The following INVS variants were observed in gnomAD, a reference collection of about 807,000 sequenced individuals.
INVS encodes inversion of embryo turning homolog.
A neutral mutation model predicts 108.8 loss-of-function variants in INVS; 86 were observed. The observed-to-expected ratio is 0.79, with a 90% CI of 0.66 to 0.95. The LOEUF is 0.95. Ranked by LOEUF, INVS falls within the 40% of genes least tolerant of loss-of-function variation. The pLI is 0.00. For synonymous variants in INVS, 455 were observed against 473.5 expected, an observed-to-expected ratio of 0.96 and a Z score of 0.51; for missense variants, 1,169 against 1,297.4, an observed-to-expected ratio of 0.90 and a Z score of 1.52.
At chr9:100,101,408 T>C (rs973288374) in intron 1 of INVS, 1 of 152,098 alleles carries the variant, frequency 6.6e-6, no homozygotes, top group Non-Finnish European at 1.5e-5. Context: ...CCTCCACCTC[T>C]ATTTTGTAGC....
At chr9:100,296,838 A>C (rs946190039) in intron 14 of INVS, 79 bp from the exon 15 acceptor site, 1 of 1,135,114 alleles carries the variant, frequency 8.8e-7, no homozygotes, top group Admixed American at 1.9e-5. Flanking sequence ...CTACTCCTAT[A>C]GCTTCTAGAA....
intron 3 of INVS, chr9:100,215,021 T>G (rs1335072445): frequency 6.6e-6 from 1 of 152,212 alleles, no homozygotes; most frequent in East Asian, 1.9e-4. Context: ...CCCCTACTTG[T>G]GCCTGTAGCT....
chr9:100,226,026 A>C, intron 3 of INVS, 36 bp from the exon 4 acceptor site: 2 of 1,524,334 alleles, frequency 1.3e-6, no homozygotes, highest in Non-Finnish European at 1.8e-6. Flanking sequence ...ACCCCATAGT[A>C]CATTTTTTTC....
At chr9:100,233,765 G>A (rs974163215) in intron 5 of INVS, among the ~76,000 whole-genome samples, 11 of 152,084 alleles carry the variant, frequency 7.2e-5, no homozygotes, top group Admixed American at 2.6e-4. Context: ...TACTGGTTTC[G>A]GTTTACCAGT....
intron 3 of INVS, among the ~76,000 whole-genome samples, chr9:100,189,761 GT>G (rs968379676): frequency 6.7e-6 from 1 of 149,976 alleles, no homozygotes; most frequent in Non-Finnish European, 1.5e-5. Context: ...TTATTTGTTT[GT>G]TTTTTTTTAA....
chr9:100,274,901 G>A (rs1833070732), intron 12 of INVS, among the ~76,000 whole-genome samples: 1 of 152,166 alleles, frequency 6.6e-6, no homozygotes, highest in Admixed American at 6.5e-5. Context: ...TACCCACAAG[G>A]GGGAAGCATA....
At chr9:100,196,215 C>G (rs1019979377) in intron 3 of INVS, among the ~76,000 whole-genome samples, 37 of 152,092 alleles carry the variant, frequency 2.4e-4, no homozygotes, top group Admixed American at 2.4e-3. Flanking sequence ...CTTCTTACCT[C>G]CATTTTAGTA....
intron 3 of INVS, among the ~76,000 whole-genome samples, chr9:100,177,595 G>A (rs957935144): frequency 2.0e-5 from 3 of 152,168 alleles, no homozygotes; most frequent in East Asian, 3.9e-4. Flanking sequence ...CTCTTGGCAG[G>A]GCATCTCTGA....
intron 3 of INVS, among the ~76,000 whole-genome samples, chr9:100,140,816 C>G (rs972353247): frequency 1.3e-5 from 2 of 151,900 alleles, no homozygotes; most frequent in African/African-American, 4.8e-5. Context: ...AAACGTTCGT[C>G]ATTTAGAATT....
At chr9:100,266,487 A>G (rs1832797108) in intron 11 of INVS, among the ~76,000 whole-genome samples, 1 of 152,114 alleles carries the variant, frequency 6.6e-6, no homozygotes, top group African/African-American at 2.4e-5. Context: ...TTGCTATGGC[A>G]TTTGTAAAAT....
In INVS at chr9:100,272,999, C is replaced by G; in HGVS notation, c.1707C>G (p.Tyr569Ter). Residue 569 changes from tyrosine (Y) to a stop codon, truncating the protein, a stop_gained, in exon 12 of 17, where the codon TAC becomes TAG. Coordinates refer to ENST00000262457, the MANE Select transcript of INVS (RefSeq NM_014425.5). LOFTEE classifies it high-confidence loss of function. The stretch of plus-strand genomic sequence containing the variant: ...AAATCCAAGCTGTCTACAAAGGGTA[C>G]AAGGTCAGAAAAGCCTTCCGAGACA... ...AFKIQAVYKG[Y>*]KVRKAFRDRK... 6.2e-7 allele frequency: 1 copy of G among 1,613,970 alleles called. No individual in the cohort carries two copies. The highest frequency in any genetic ancestry group is 8.5e-7 in the Non-Finnish European group (1 of 1,180,010).
At chr9:100,259,059 C>T (rs968929644) in intron 10 of INVS, among the ~76,000 whole-genome samples, 3 of 152,144 alleles carry the variant, frequency 2.0e-5, no homozygotes, top group African/African-American at 7.2e-5. Flanking sequence ...CTGCGGTGGG[C>T]TCCACCCAGT....
In INVS at chr9:100,111,729, A is replaced by G. The variant is rs900320945; in HGVS notation, c.106+7102A>G. On this transcript the variant is annotated intron_variant, in intron 2 of 16. Coordinates refer to ENST00000262457, the MANE Select transcript of INVS (RefSeq NM_014425.5). Reference sequence around the variant, plus strand: ...AAACAATACATTGTTTTATTGGATCATCAAACAAGTTGCGGTGTAGATTGG... The same window carrying G: ...AAACAATACATTGTTTTATTGGATCGTCAAACAAGTTGCGGTGTAGATTGG... Among the ~76,000 whole-genome samples the G allele has an allele frequency of 5.3e-5, 8 of 152,366 alleles. No homozygotes were observed. The East Asian group carries it at 1.3e-3, about 26-fold the overall frequency.
intron 13 of INVS, among the ~76,000 whole-genome samples, chr9:100,289,119 A>C (rs1833536784): frequency 6.6e-6 from 1 of 152,232 alleles, no homozygotes; most frequent in African/African-American, 2.4e-5. Context: ...TATGTAGCTT[A>C]AAAAGCAGTT....
rs1444531400 is a variant in INVS, at chr9:100,300,582, T to C, written c.3106T>C (p.Cys1036Arg). The change falls in exon 17 of 17, where the codon TGT (cysteine) becomes CGT (arginine). Residue 1036 changes from cysteine to arginine, a missense_variant. Transcript: ENST00000262457. ...LRLNSVSNLQ[C>R]IHLLENSGRS... is the part of the protein sequence containing the mutation. ...GTTTTTAACAGTGAGCAACCTACAG[T>C]GTATACATCTCCTTGAGAACAGTGG... 2.4e-5 allele frequency: 39 copies of C among 1,610,204 alleles called. No individual in the cohort carries two copies. The highest frequency in any genetic ancestry group is 3.1e-5 in the Non-Finnish European group (37 of 1,176,458).
At position 100,302,098 on chromosome 9, in the gene INVS, A is replaced by G; in HGVS notation, c.*1424A>G. The G allele has an allele frequency of 1.4e-6, 1 of 732,348 alleles. No individual in the cohort carries two copies. Among genetic ancestry groups the G allele is most frequent in the South Asian group, 3.2e-5 (1 of 31,214 alleles). The allele number at this position is 732,348 out of a possible 1,614,324, so 45.4% of individuals were successfully genotyped here. On this transcript the variant is annotated 3_prime_UTR_variant, in exon 17 of 17. Coordinates refer to ENST00000262457, the MANE Select transcript of INVS (RefSeq NM_014425.5). ...GGTTCGTAAACTTCTTTAAAAGTTC[A>G]GCTTTAATGACAAAGATCTATTACA... is the stretch of plus-strand genomic sequence containing the variant.
At chr9:100,281,953 A>G (rs193238605) in intron 12 of INVS, among the ~76,000 whole-genome samples, 1 of 152,320 alleles carries the variant, frequency 6.6e-6, no homozygotes, top group African/African-American at 2.4e-5. Context: ...CTAAAAAGAA[A>G]GAGGAGACTG....
At chr9:100,181,231 C>T (rs981079725) in intron 3 of INVS, among the ~76,000 whole-genome samples, 1 of 152,146 alleles carries the variant, frequency 6.6e-6, no homozygotes, top group East Asian at 1.9e-4. Context: ...GACAAGGATG[C>T]CCTCTCTCAC....
chr9:100,116,695 T>G, intron 2 of INVS: 2 of 533,310 alleles, frequency 3.8e-6, no homozygotes, highest in Non-Finnish European at 5.7e-6. Context: ...AGTTATAGGT[T>G]TTATTTATTT....
Sources: allele counts gnomAD v4.1 joint callset (sites outside exome capture counted in the v4.1 genomes callset), GRCh38; gene constraint gnomAD v4.1.1; transcripts MANE v1.5; gene names NCBI Gene and HGNC (gene_info 2026-07-23, HGNC 2026-07-21).